PTPRD: variants seen among roughly 807,000 people sequenced by gnomAD.
PTPRD encodes receptor-type tyrosine-protein phosphatase delta.
A neutral mutation model predicts 214.5 loss-of-function variants in PTPRD; 34 were observed. The observed-to-expected ratio is 0.16, with a 90% CI of 0.12 to 0.21. The LOEUF (loss-of-function observed/expected upper bound fraction) is 0.21. Ranked by LOEUF, PTPRD falls within the 10% of genes least tolerant of loss-of-function variation. PTPRD has a pLI of 1.00. For synonymous variants in PTPRD, 1,128 were observed against 845.7 expected (o/e 1.33, Z -5.79); for missense variants, 2,545 against 2,398.7 (o/e 1.06, Z -1.27).
chr9:8,799,722 T>G (rs1476371532), intron 11 of PTPRD, among the ~76,000 whole-genome samples: 2 of 152,164 alleles, frequency 1.3e-5, no homozygotes, highest in East Asian at 3.9e-4. Flanking sequence ...TGAAAAGAAT[T>G]ATTCTTTTAT....
Position 8,726,007 on chromosome 9 carries a change from GCAGA to G in PTPRD, c.64+7769_64+7772del, listed in dbSNP as rs201758183. Among the ~76,000 whole-genome samples, 385 of 146,884 alleles carry G rather than the reference GCAGA, an allele frequency of 2.6e-3. 2 individuals are homozygous for G. Among genetic ancestry groups the G allele is most frequent in the African/African-American group, 8.9e-3 (348 of 38,922 alleles). The stretch of plus-strand genomic sequence containing the variant: ...CACTTCACACAGAGCTTTCCACATA[GCAGA>G]CAGACAGACAGACAGACACACACAC... On this transcript the variant is annotated intron_variant, in intron 12 of 45. Transcript: ENST00000381196.
intron 9 of PTPRD, among the ~76,000 whole-genome samples, chr9:9,330,384 A>G (rs948190535): frequency 2.0e-5 from 3 of 152,158 alleles, no homozygotes; most frequent in Non-Finnish European, 4.4e-5. Context: ...CAGACTTTTT[A>G]AAATAAGGTT....
At chr9:8,720,632 T>C (rs2098482904) in intron 12 of PTPRD, among the ~76,000 whole-genome samples, 1 of 152,006 alleles carries the variant, frequency 6.6e-6, no homozygotes, top group African/African-American at 2.4e-5. Context: ...AGAATGGAAA[T>C]CATTTTATAG....
At chr9:9,765,634 A>C (rs2154478777) in intron 6 of PTPRD, among the ~76,000 whole-genome samples, 1 of 152,246 alleles carries the variant, frequency 6.6e-6, no homozygotes, top group South Asian at 2.1e-4. Flanking sequence ...CCCACTACCT[A>C]ATCCTGAAGC....
chr9:9,407,795 C>T (rs892295752), intron 8 of PTPRD, among the ~76,000 whole-genome samples: 1 of 151,690 alleles, frequency 6.6e-6, no homozygotes, highest in African/African-American at 2.4e-5. Flanking sequence ...CTTGTACACG[C>T]TAATCATTCC....
chr9:9,352,361 GTGTGTGTGTGTA>G (rs2051696100), intron 9 of PTPRD, among the ~76,000 whole-genome samples: 1 of 121,176 alleles, frequency 8.3e-6, no homozygotes, highest in Non-Finnish European at 1.9e-5. Context: ...GTGTATATAT[GTGTGTGTGTGTA>G]TATATATATA....
intron 3 of PTPRD, among the ~76,000 whole-genome samples, chr9:10,088,377 T>C (rs2098383259): frequency 6.6e-6 from 1 of 151,734 alleles, no homozygotes; most frequent in Admixed American, 6.6e-5. Flanking sequence ...TATAAGACTT[T>C]CATGTCTATG....
At chr9:9,288,623 A>G (rs191730308) in intron 9 of PTPRD, among the ~76,000 whole-genome samples, 4 of 152,048 alleles carry the variant, frequency 2.6e-5, no homozygotes, top group South Asian at 2.1e-4. Context: ...ACAAAAAGCT[A>G]TTGTCCAACA....
chr9:9,416,076 T>G (rs1210277556), intron 8 of PTPRD, among the ~76,000 whole-genome samples: 5 of 152,188 alleles, frequency 3.3e-5, no homozygotes, highest in Non-Finnish European at 5.9e-5. Context: ...ACCTAATAAA[T>G]TGCCAAGTCC....
intron 2 of PTPRD, among the ~76,000 whole-genome samples, chr9:10,444,533 C>T (rs1452489145): frequency 6.6e-6 from 1 of 151,676 alleles, no homozygotes; most frequent in East Asian, 1.9e-4. Context: ...CTCCAGCAAT[C>T]AAGGAAACAC....
chr9:8,344,677 T>A (rs1855843378), intron 39 of PTPRD, among the ~76,000 whole-genome samples: 1 of 152,028 alleles, frequency 6.6e-6, no homozygotes, highest in Non-Finnish European at 1.5e-5. Flanking sequence ...GATGAAGAAT[T>A]CTTGAGGGAT....
intron 37 of PTPRD, among the ~76,000 whole-genome samples, chr9:8,381,180 T>C (rs984165477): frequency 1.3e-5 from 2 of 152,340 alleles, no homozygotes; most frequent in Non-Finnish European, 2.9e-5. Context: ...CTGTAAGGAA[T>C]GGACAAACAG....
rs2098518947 is a variant in PTPRD at position 9,751,491 on chromosome 9, T to G, written c.-326+15319A>C. Among the ~76,000 whole-genome samples, 6 of 152,264 alleles carry G rather than the reference T, an allele frequency of 3.9e-5. No homozygotes were observed. In the South Asian group the frequency reaches 1.2e-3, roughly 32 times the overall value. On this transcript the variant is annotated intron_variant, in intron 6 of 45. Coordinates refer to ENST00000381196, the MANE Select transcript of PTPRD (RefSeq NM_002839.4). Reference sequence around the variant, plus strand: ...ATGTCACCCTCAAAAAAGGTGTGTCTGAAGTCCTAACCACCAGTACCTCAG... The same window carrying G: ...ATGTCACCCTCAAAAAAGGTGTGTCGGAAGTCCTAACCACCAGTACCTCAG...
rs2055078559 is a variant in PTPRD at position 9,359,322 on chromosome 9, G to C, written c.-203+38127C>G. ...CTGAAGCTATTTATGATTTTTCTAA[G>C]GAATAGGAAAGGACACTTCGGGGAC... On this transcript the variant is annotated intron_variant, in intron 9 of 45. Coordinates refer to ENST00000381196, the MANE Select transcript of PTPRD (RefSeq NM_002839.4). Among the ~76,000 whole-genome samples, 11 of 151,138 alleles carry C rather than the reference G, an allele frequency of 7.3e-5. No homozygotes were observed. The Admixed American group carries it at 7.3e-4, about 10-fold the overall frequency.
At chr9:10,105,274 C>T (rs1278859671) in intron 3 of PTPRD, among the ~76,000 whole-genome samples, 1 of 151,754 alleles carries the variant, frequency 6.6e-6, no homozygotes, top group East Asian at 1.9e-4. Flanking sequence ...CACATTAATT[C>T]ATCTTGAAGT....
chr9:9,298,142 A>G lies in PTPRD; in HGVS notation c.-203+99307T>C, dbSNP rs115905632. Among the ~76,000 whole-genome samples, 638 of 151,794 alleles carry G rather than the reference A, an allele frequency of 4.2e-3. 6 individuals are homozygous for G. The highest frequency in any genetic ancestry group is 0.014 in the African/African-American group (595 of 41,488). ...ACTGATAGAAAGAGTGAAGTCAGAA[A>G]AGGAAGAAAGTTTGAACTTAGGCAG... On this transcript the variant is annotated intron_variant, in intron 9 of 45. Coordinates refer to ENST00000381196, the MANE Select transcript of PTPRD (RefSeq NM_002839.4).
At chr9:8,966,818 C>G (rs141762963) in intron 11 of PTPRD, among the ~76,000 whole-genome samples, 250 of 152,164 alleles carry the variant, frequency 1.6e-3, no homozygotes, top group African/African-American at 5.4e-3. Flanking sequence ...AGTAAACAGA[C>G]AACCTACAGA....
At chr9:10,313,281 T>C (rs1488632196) in intron 3 of PTPRD, among the ~76,000 whole-genome samples, 1 of 151,818 alleles carries the variant, frequency 6.6e-6, no homozygotes, top group Non-Finnish European at 1.5e-5. Flanking sequence ...TTATGCACTA[T>C]TCATATAGGT....
intron 12 of PTPRD, among the ~76,000 whole-genome samples, chr9:8,712,197 G>A (rs1202183831): frequency 6.6e-6 from 1 of 152,166 alleles, no homozygotes; most frequent in Non-Finnish European, 1.5e-5. Flanking sequence ...CTATATTGAA[G>A]GAGACAGGGA....
Sources: gnomAD v4.1 joint callset for allele counts (sites outside exome capture counted in the v4.1 genomes callset) on GRCh38, gnomAD v4.1.1 for gene constraint, MANE v1.5 for transcripts, NCBI Gene and HGNC (gene_info 2026-07-23, HGNC 2026-07-21) for gene names.